Variants in NEK11 observed in about 807,000 individuals in gnomAD.
NEK11 encodes the protein serine/threonine-protein kinase Nek11.
NEK11 carries 72 observed loss-of-function variants against 80.7 expected under a neutral mutation model. That is an observed-to-expected ratio of 0.89 (90% CI 0.74 to 1.08). The LOEUF is 1.08. NEK11 is among the 50% of genes least tolerant of loss of function. NEK11 has a pLI of 0.00. For synonymous variants in NEK11, 251 were observed against 260.7 expected (o/e 0.96, Z 0.36); for missense variants, 764 against 763.6 (o/e 1.00, Z -0.01).
intron 3 of NEK11, among the ~76,000 whole-genome samples, chr3:131,056,827 G>A (rs2069596830): frequency 6.6e-6 from 1 of 152,096 alleles, no homozygotes; most frequent in South Asian, 2.1e-4. Flanking sequence ...ATGTCTATAG[G>A]GATGCAGCCA....
intron 17 of NEK11, among the ~76,000 whole-genome samples, chr3:131,309,063 G>C (rs903388107): frequency 2.6e-5 from 4 of 152,202 alleles, no homozygotes; most frequent in Admixed American, 6.5e-5. Flanking sequence ...ACCTCCTGCT[G>C]TGTGGCCCGG....
chr3:131,216,903 C>G (rs2094856217), intron 14 of NEK11, among the ~76,000 whole-genome samples: 1 of 152,214 alleles, frequency 6.6e-6, no homozygotes, highest in Non-Finnish European at 1.5e-5. Context: ...AATAGAGATG[C>G]AGCAGCCATT....
intron 16 of NEK11, among the ~76,000 whole-genome samples, chr3:131,264,011 CT>C (rs1272936466): frequency 6.6e-6 from 1 of 152,164 alleles, no homozygotes; most frequent in Non-Finnish European, 1.5e-5. Flanking sequence ...TAAATGTCTT[CT>C]TTTGAGAAGT....
Position 131,044,528 on chromosome 3 carries a change from G to A in NEK11, c.170+14650G>A, listed in dbSNP as rs2067081578. 2.0e-5 allele frequency among the ~76,000 whole-genome samples: 3 copies of A among 151,764 alleles called. No individual in the cohort carries two copies. The South Asian group carries it at 6.2e-4, about 32-fold the overall frequency. On this transcript the variant is annotated intron_variant, in intron 3 of 17. Coordinates refer to ENST00000383366, the MANE Select transcript of NEK11 (RefSeq NM_024800.5). ...ACAAAGATTAGAAGAGACAAAGAGG[G>A]GCATTACATAATGTAAAGGGATCAA...
intron 16 of NEK11, among the ~76,000 whole-genome samples, chr3:131,266,534 C>T (rs2096061905): frequency 6.6e-6 from 1 of 152,172 alleles, no homozygotes; most frequent in Non-Finnish European, 1.5e-5. Flanking sequence ...TTTCTTAATC[C>T]TCAGTTCTAA....
intron 7 of NEK11, among the ~76,000 whole-genome samples, chr3:131,135,171 G>A (rs567630684): frequency 5.9e-5 from 9 of 152,238 alleles, no homozygotes; most frequent in African/African-American, 1.9e-4. Flanking sequence ...CCTTGTTCTC[G>A]TGCCTACCAA....
chr3:131,093,503 A>G lies in NEK11; in HGVS notation c.336+12915A>G, dbSNP rs375127796. Among the ~76,000 whole-genome samples, 8 of 152,234 alleles carry G rather than the reference A, an allele frequency of 5.3e-5. No individual in the cohort carries two copies. The South Asian group carries it at 8.3e-4, about 16-fold the overall frequency. The stretch of plus-strand genomic sequence containing the variant: ...TGGTGGCATGATCTCAGCTCAGTGC[A>G]ATCTCCGCCTCCTCAGCTCAAGCAA... On this transcript the variant is annotated intron_variant, in intron 4 of 17. Transcript: ENST00000383366.
At chr3:131,291,977 T>C (rs568960537) in intron 17 of NEK11, among the ~76,000 whole-genome samples, 1 of 152,364 alleles carries the variant, frequency 6.6e-6, no homozygotes, top group South Asian at 2.1e-4. Flanking sequence ...CTTTGTTGTA[T>C]CTAAAAAGTC....
chr3:131,310,809 C>T (rs6797556), intron 17 of NEK11, among the ~76,000 whole-genome samples: 1,942 of 152,310 alleles, frequency 0.013, 39 homozygotes, highest in African/African-American at 0.043. Context: ...GTTTGCATCA[C>T]CCAGACTGTG....
intron 7 of NEK11, among the ~76,000 whole-genome samples, chr3:131,144,374 T>G (rs542712959): frequency 6.6e-6 from 1 of 152,308 alleles, no homozygotes; most frequent in South Asian, 2.1e-4. Flanking sequence ...CTCACTTGTT[T>G]ATTTCAGCTC....
intron 17 of NEK11, among the ~76,000 whole-genome samples, chr3:131,282,464 C>T (rs938765200): frequency 6.6e-6 from 1 of 152,182 alleles, no homozygotes; most frequent in Non-Finnish European, 1.5e-5. Flanking sequence ...CATGCCACTG[C>T]TGATGGTCAA....
intron 14 of NEK11, among the ~76,000 whole-genome samples, chr3:131,217,055 C>G (rs541210432): frequency 6.6e-6 from 1 of 152,242 alleles, no homozygotes; most frequent in Non-Finnish European, 1.5e-5. Flanking sequence ...CTCCAATGAG[C>G]AATCTTAACT....
chr3:131,323,120 C>T (rs1253137877), intron 17 of NEK11, among the ~76,000 whole-genome samples: 3 of 152,136 alleles, frequency 2.0e-5, no homozygotes, highest in South Asian at 4.1e-4. Flanking sequence ...TTTTCAAATA[C>T]GTGGAAGTAG....
chr3:131,347,807 C>T (rs1398419593), intron 17 of NEK11, among the ~76,000 whole-genome samples: 1 of 151,850 alleles, frequency 6.6e-6, no homozygotes, highest in Non-Finnish European at 1.5e-5. Context: ...GGCGTGGTGG[C>T]AGGCACCTGT....
intron 5 of NEK11, among the ~76,000 whole-genome samples, chr3:131,123,775 A>T (rs145956445): frequency 1.7e-4 from 26 of 152,066 alleles, no homozygotes; most frequent in Non-Finnish European, 1.9e-4. Flanking sequence ...TTAGCTCACT[A>T]TTGCAAATCC....
chr3:131,077,361 C>T (rs1173992458), intron 3 of NEK11, among the ~76,000 whole-genome samples: 4 of 152,138 alleles, frequency 2.6e-5, no homozygotes, highest in African/African-American at 4.8e-5. Flanking sequence ...AGCTCAGTGA[C>T]GTGATTTTAG....
intron 14 of NEK11, among the ~76,000 whole-genome samples, chr3:131,173,316 G>A (rs966099118): frequency 6.6e-6 from 1 of 152,088 alleles, no homozygotes; most frequent in Non-Finnish European, 1.5e-5. Context: ...ACAGAAAGCT[G>A]AGAAAGTTAG....
intron 7 of NEK11, among the ~76,000 whole-genome samples, chr3:131,141,473 A>G (rs1365096922): frequency 6.6e-6 from 1 of 152,186 alleles, no homozygotes; most frequent in Non-Finnish European, 1.5e-5. Context: ...AGGGAAAGAA[A>G]GTGGCTGGCC....
chr3:131,191,317 C>T (rs1025655015), intron 14 of NEK11, among the ~76,000 whole-genome samples: 2 of 152,164 alleles, frequency 1.3e-5, no homozygotes, highest in Admixed American at 6.6e-5. Context: ...CACTGGCCTG[C>T]ATTCCTTCTG....
Sources: gnomAD v4.1 joint callset for allele counts (sites outside exome capture counted in the v4.1 genomes callset) on GRCh38, gnomAD v4.1.1 for gene constraint, MANE v1.5 for transcripts, NCBI Gene and HGNC (gene_info 2026-07-23, HGNC 2026-07-21) for gene names.